The following COL4A3 variants were observed in gnomAD, a reference collection of about 807,000 sequenced individuals.
The protein encoded by COL4A3 is collagen alpha-3(IV) chain.
In COL4A3, 135 loss-of-function variants were observed where a neutral mutation model predicts 217.4. That is an observed-to-expected ratio of 0.62 (90% CI 0.54 to 0.72). The LOEUF is 0.72. Among genes scored for constraint, COL4A3 ranks in the 30% least tolerant of loss-of-function variants. COL4A3 has a pLI of 0.00. For synonymous variants in COL4A3, 690 were observed against 736.3 expected (o/e 0.94, Z 1.02); for missense variants, 1,868 against 2,119.9 (o/e 0.88, Z 2.33).
chr2:227,307,464 C>A (rs2073554920), intron 47 of COL4A3, among the ~76,000 whole-genome samples: 2 of 152,104 alleles, frequency 1.3e-5, no homozygotes, highest in African/African-American at 4.8e-5. Flanking sequence ...CAGAGGAATT[C>A]AAAGATAAAG....
intron 1 of COL4A3, among the ~76,000 whole-genome samples, chr2:227,192,593 G>C (rs188761319): frequency 6.6e-6 from 1 of 152,134 alleles, no homozygotes; most frequent in Non-Finnish European, 1.5e-5. Flanking sequence ...ATCACTTGAC[G>C]GTCTCATGTG....
At chr2:227,227,686 A>G (rs2068173456) in intron 1 of COL4A3, 1 of 152,186 alleles carries the variant, frequency 6.6e-6, no homozygotes, top group African/African-American at 2.4e-5. Context: ...GATGGAGCTT[A>G]TAACAGTACC....
intron 1 of COL4A3, among the ~76,000 whole-genome samples, chr2:227,183,343 G>C (rs1307121879): frequency 1.3e-5 from 2 of 152,160 alleles, no homozygotes; most frequent in African/African-American, 4.8e-5. Context: ...AAAACTAAGG[G>C]ATGATTAATT....
At chr2:227,207,511 A>G (rs79483618) in intron 1 of COL4A3, among the ~76,000 whole-genome samples, 22,270 of 152,114 alleles carry the variant, frequency 0.15, 1,756 homozygotes, top group African/African-American at 0.17. Context: ...TTCTAAACCT[A>G]GCTTACGGGA....
chr2:227,220,136 A>ATATGTG (rs1553743817), intron 1 of COL4A3, among the ~76,000 whole-genome samples: 54 of 127,088 alleles, frequency 4.2e-4, no homozygotes, highest in Non-Finnish European at 6.8e-4. Flanking sequence ...AGGCGGTTTT[A>ATATGTG]TGTGTGTGTG....
intron 9 of COL4A3, among the ~76,000 whole-genome samples, chr2:227,249,212 GTATATATATA>G (rs1553751598): frequency 6.0e-5 from 2 of 33,218 alleles, no homozygotes; most frequent in South Asian, 2.0e-3. Context: ...AAATTAGCTA[GTATATATATA>G]TATATATATT....
intron 1 of COL4A3, among the ~76,000 whole-genome samples, chr2:227,223,027 A>G (rs1171692907): frequency 6.6e-6 from 1 of 152,250 alleles, no homozygotes; most frequent in East Asian, 1.9e-4. Flanking sequence ...ATTTTTACAA[A>G]TAACTTCTGT....
intron 1 of COL4A3, among the ~76,000 whole-genome samples, chr2:227,232,251 T>C (rs559914237): frequency 1.3e-5 from 2 of 152,338 alleles, no homozygotes; most frequent in South Asian, 4.1e-4. Context: ...AGCTATAGTA[T>C]ACTCTGGTTT....
chr2:227,205,639 T>C (rs2067072952), intron 1 of COL4A3, among the ~76,000 whole-genome samples: 1 of 152,070 alleles, frequency 6.6e-6, no homozygotes. Context: ...AAAATATTTA[T>C]CAATAATAGT....
intron 1 of COL4A3, among the ~76,000 whole-genome samples, chr2:227,202,862 C>CGTGT (rs1559819696): frequency 0.036 from 618 of 17,174 alleles, 174 homozygotes; most frequent in Non-Finnish European, 0.046. Context: ...TGTATATATA[C>CGTGT]ATATATGTGT....
Position 227,254,647 on chromosome 2 carries a change from T to G in COL4A3, c.829-9T>G, listed in dbSNP as rs2070034669. 1 of 1,604,562 alleles carries G rather than the reference T, an allele frequency of 6.2e-7. No homozygotes were observed. On this transcript the variant is annotated splice_polypyrimidine_tract_variant and intron_variant, in intron 14 of 51. Coordinates refer to ENST00000396578, the MANE Select transcript of COL4A3 (RefSeq NM_000091.5). ...TTCATAAAATTTGACATGGCTCTAA[T>G]TAATACAGGGACTGCCTGGAGAATC...
intron 47 of COL4A3, among the ~76,000 whole-genome samples, chr2:227,306,970 G>A (rs1006813948): frequency 6.6e-6 from 1 of 152,158 alleles, no homozygotes; most frequent in African/African-American, 2.4e-5. Context: ...TGAAAGAAAG[G>A]AGAAGGAAGT....
At chr2:227,268,381 T>C (rs2071042115) in intron 23 of COL4A3, 2 of 152,386 alleles carry the variant, frequency 1.3e-5, no homozygotes, top group African/African-American at 4.8e-5. Context: ...CTGACTGCGG[T>C]GCTGTCGCCT....
At chr2:227,218,360 G>T (rs530608027) in intron 1 of COL4A3, among the ~76,000 whole-genome samples, 1 of 152,118 alleles carries the variant, frequency 6.6e-6, no homozygotes, top group African/African-American at 2.4e-5. Context: ...CAGCTATTCG[G>T]GTGGCTGAGG....
chr2:227,295,523 T>C (rs2072992093), intron 41 of COL4A3, among the ~76,000 whole-genome samples: 1 of 152,262 alleles, frequency 6.6e-6, no homozygotes, highest in African/African-American at 2.4e-5. Flanking sequence ...TGTGATTCAA[T>C]TTTGGAATTT....
chr2:227,231,526 C>T (rs1178034958), intron 1 of COL4A3, among the ~76,000 whole-genome samples: 1 of 149,032 alleles, frequency 6.7e-6, no homozygotes, highest in Non-Finnish European at 1.5e-5. Context: ...ATCCAATTAC[C>T]TTTTTTTTTT....
chr2:227,282,314 T>C lies in COL4A3; in HGVS notation c.2489-51T>C. ...TATATATATATATTTCTGAAGTTAG[T>C]AGGGGAAAGCATTTGTGGGTTAATT... On this transcript the variant is annotated intron_variant, in intron 31 of 51. Coordinates refer to ENST00000396578, the MANE Select transcript of COL4A3 (RefSeq NM_000091.5). This position sits in a 1 kb window ranked among gnomAD's most constrained non-coding sequence, Gnocchi z 4.4. 1.7e-6 allele frequency: 2 copies of C among 1,188,344 alleles called. No homozygotes were observed. Among genetic ancestry groups the C allele is most frequent in the Non-Finnish European group, 2.5e-6 (2 of 813,808 alleles). The allele number at this position is 1,188,344 out of a possible 1,614,324, so 73.6% of individuals were successfully genotyped here.
intron 9 of COL4A3, 92 bp from the exon 10 acceptor site, chr2:227,251,048 T>A: frequency 1.0e-6 from 1 of 981,954 alleles, no homozygotes; most frequent in East Asian, 2.4e-5. Flanking sequence ...CTTCTGATTT[T>A]ATTAAAATAT....
intron 19 of COL4A3, 56 bp from the exon 20 acceptor site, chr2:227,261,026 G>A (rs2070523782): frequency 8.4e-6 from 12 of 1,433,298 alleles, no homozygotes; most frequent in Non-Finnish European, 1.2e-5. Context: ...TTCCAAAAGT[G>A]GATGGGACAG....
Sources: gnomAD v4.1 joint callset for allele counts (sites outside exome capture counted in the v4.1 genomes callset) on GRCh38, gnomAD v4.1.1 for gene constraint, Gnocchi (gnomAD v3.1) non-coding constraint, MANE v1.5 for transcripts, NCBI Gene and HGNC (gene_info 2026-07-23, HGNC 2026-07-21) for gene names.